Variants in JAZF1 observed in about 807,000 individuals in gnomAD.
JAZF1 encodes JAZF zinc finger 1, also known as juxtaposed with another zinc finger protein 1.
Under a neutral mutation model 26.4 loss-of-function variants are expected in JAZF1, and 8 were observed. That is an observed-to-expected ratio of 0.30 (90% CI 0.18 to 0.55). JAZF1 has a LOEUF of 0.55. Among genes scored for constraint, JAZF1 ranks in the 20% least tolerant of loss-of-function variants. The pLI is 0.94. For synonymous variants in JAZF1, 126 were observed against 122.3 expected, an observed-to-expected ratio of 1.03 and a Z score of -0.20; for missense variants, 199 against 322.0, an observed-to-expected ratio of 0.62 and a Z score of 2.92.
intron 2 of JAZF1, among the ~76,000 whole-genome samples, chr7:27,987,295 T>C (rs1354264533): frequency 1.4e-5 from 2 of 147,562 alleles, no homozygotes; most frequent in African/African-American, 5.1e-5. Context: ...GGAGTGCCTC[T>C]GCCCGGCTGC....
intron 3 of JAZF1, among the ~76,000 whole-genome samples, chr7:27,875,557 C>A (rs1011004776): frequency 6.6e-6 from 1 of 152,150 alleles, no homozygotes; most frequent in African/African-American, 2.4e-5. Flanking sequence ...CCTGTTTTTT[C>A]TCTTCATCTA....
intron 2 of JAZF1, among the ~76,000 whole-genome samples, chr7:27,958,376 C>T (rs2128356551): frequency 6.6e-6 from 1 of 152,262 alleles, no homozygotes; most frequent in Admixed American, 6.5e-5. Context: ...CATTTTTTAG[C>T]TCCAAATGCC....
At chr7:28,118,602 A>G (rs1784785897) in intron 1 of JAZF1, among the ~76,000 whole-genome samples, 1 of 152,200 alleles carries the variant, frequency 6.6e-6, no homozygotes, top group Non-Finnish European at 1.5e-5. Flanking sequence ...AAAATGTGAA[A>G]GCTACAGTAT....
At position 28,163,516 on chromosome 7, in the gene JAZF1, T is replaced by C. The variant is rs961462554; in HGVS notation, c.115+16947A>G. On this transcript the variant is annotated intron_variant, in intron 1 of 4. Coordinates refer to ENST00000283928, the MANE Select transcript of JAZF1 (RefSeq NM_175061.4). ...TCAGCCTGGCCAAGCAGCTCAGGAA[T>C]TGAGAACACAAGTACAGAAGACTGG... 3.3e-5 allele frequency among the ~76,000 whole-genome samples: 5 copies of C among 152,172 alleles called. No homozygotes were observed. The East Asian group carries it at 5.8e-4, about 18-fold the overall frequency.
At chr7:28,037,097 G>A (rs1380002594) in intron 1 of JAZF1, among the ~76,000 whole-genome samples, 1 of 152,126 alleles carries the variant, frequency 6.6e-6, no homozygotes, top group Non-Finnish European at 1.5e-5. Context: ...GGTACGTGCA[G>A]AACTTGCTTA....
chr7:28,116,884 C>T (rs1039605949), intron 1 of JAZF1, among the ~76,000 whole-genome samples: 14 of 151,564 alleles, frequency 9.2e-5, no homozygotes, highest in South Asian at 4.2e-4. Context: ...AATGCAGTGG[C>T]GCGATCTCAG....
chr7:28,115,035 A>C (rs1275227784), intron 1 of JAZF1, among the ~76,000 whole-genome samples: 1 of 152,172 alleles, frequency 6.6e-6, no homozygotes, highest in East Asian at 1.9e-4. Flanking sequence ...CTATTTACAA[A>C]GGGTCTCTGT....
intron 1 of JAZF1, among the ~76,000 whole-genome samples, chr7:28,013,356 T>G (rs1431724713): frequency 6.6e-6 from 1 of 152,132 alleles, no homozygotes; most frequent in East Asian, 1.9e-4. Flanking sequence ...GTTCAGTGAT[T>G]AAAGAAGACA....
intron 1 of JAZF1, among the ~76,000 whole-genome samples, chr7:28,071,837 T>G (rs1401932670): frequency 1.3e-5 from 2 of 152,248 alleles, no homozygotes; most frequent in Non-Finnish European, 2.9e-5. Flanking sequence ...GAGATCCTGC[T>G]GTTTCAAGCG....
intron 3 of JAZF1, among the ~76,000 whole-genome samples, chr7:27,856,103 A>C (rs1236531467): frequency 2.6e-5 from 4 of 151,926 alleles, no homozygotes; most frequent in African/African-American, 7.3e-5. Context: ...GAAGCTGCGG[A>C]CCCTCGTGGT....
chr7:27,882,622 G>A (rs980085351), intron 3 of JAZF1, among the ~76,000 whole-genome samples: 2 of 152,144 alleles, frequency 1.3e-5, no homozygotes, highest in African/African-American at 4.8e-5. Flanking sequence ...TCTGTCCCTT[G>A]TCTTTTTAGC....
intron 1 of JAZF1, among the ~76,000 whole-genome samples, chr7:28,042,708 C>T (rs1783414574): frequency 6.6e-6 from 1 of 152,132 alleles, no homozygotes; most frequent in South Asian, 2.1e-4. Flanking sequence ...TGTATTTTTA[C>T]TGTACCTTTT....
intron 2 of JAZF1, among the ~76,000 whole-genome samples, chr7:27,904,828 T>C (rs1467805329): frequency 1.3e-5 from 2 of 152,242 alleles, no homozygotes; most frequent in Non-Finnish European, 2.9e-5. Context: ...ACCTTTACAA[T>C]GGTTGTGGAT....
At chr7:27,971,172 T>C (rs1562544412) in intron 2 of JAZF1, among the ~76,000 whole-genome samples, 1 of 152,244 alleles carries the variant, frequency 6.6e-6, no homozygotes. Flanking sequence ...AATGAAGACT[T>C]GACTGTCTTC....
intron 3 of JAZF1, among the ~76,000 whole-genome samples, chr7:27,879,343 G>A (rs536762850): frequency 8.5e-5 from 13 of 152,290 alleles, no homozygotes; most frequent in African/African-American, 3.1e-4. Flanking sequence ...ATGAAGCTAA[G>A]TCAACTGGCC....
chr7:28,120,498 G>GTTTTTTTTTTTTTT (rs1345204155), intron 1 of JAZF1, among the ~76,000 whole-genome samples: 41 of 41,034 alleles, frequency 1.0e-3, no homozygotes, highest in Admixed American at 2.5e-3. Flanking sequence ...GCCACACACA[G>GTTTTTTTTTTTTTT]TTCTTTTTTT....
chr7:28,039,713 T>C (rs1269681543), intron 1 of JAZF1, among the ~76,000 whole-genome samples: 1 of 152,202 alleles, frequency 6.6e-6, no homozygotes, highest in African/African-American at 2.4e-5. Context: ...CCCTTTCCCC[T>C]AAGAATAATC....
intron 1 of JAZF1, among the ~76,000 whole-genome samples, chr7:28,053,122 G>C (rs1471508631): frequency 6.6e-6 from 1 of 152,096 alleles, no homozygotes; most frequent in Non-Finnish European, 1.5e-5. Context: ...ATGACCTTGA[G>C]GGTTAGCCAT....
rs118154381 is a variant in JAZF1 at position 28,050,263 on chromosome 7, C to A, written c.116-58282G>T. 5.2e-3 allele frequency among the ~76,000 whole-genome samples: 792 copies of A among 152,260 alleles called. 4 individuals are homozygous for A. Among genetic ancestry groups the A allele is most frequent in the Middle Eastern group, 0.014 (4 of 294 alleles). On this transcript the variant is annotated intron_variant, in intron 1 of 4. Transcript: ENST00000283928. ...ATCAGGGGCAGAAACCAATATATTT[C>A]TATTTTTATTATGTCGCAAGGCAAA... is the stretch of plus-strand genomic sequence containing the variant.
Sources: allele counts gnomAD v4.1 joint callset (sites outside exome capture counted in the v4.1 genomes callset), GRCh38; gene constraint gnomAD v4.1.1; transcripts MANE v1.5; gene names NCBI Gene and HGNC (gene_info 2026-07-23, HGNC 2026-07-21).